The following PAM variants were observed in gnomAD, a reference collection of about 807,000 sequenced individuals.
PAM encodes peptidyl-glycine alpha-amidating monooxygenase.
In PAM, 72 loss-of-function variants were observed where a neutral mutation model predicts 122.1. The observed-to-expected ratio is 0.59, with a 90% CI of 0.49 to 0.72. The LOEUF (loss-of-function observed/expected upper bound fraction) is 0.72. PAM is among the 30% of genes least tolerant of loss of function. The pLI, the probability that PAM is intolerant of heterozygous loss-of-function variation, is 0.00. For missense variants in PAM, 1,106 were observed against 1,183.7 expected (o/e 0.93, Z 0.96); for synonymous variants, 389 against 404.4 (o/e 0.96, Z 0.46).
At chr5:102,765,503 G>T (rs946676139) in intron 1 of PAM, among the ~76,000 whole-genome samples, 4 of 152,182 alleles carry the variant, frequency 2.6e-5, no homozygotes, top group Non-Finnish European at 5.9e-5. Flanking sequence ...AGTGTGTGCT[G>T]CAGGAACTCT....
intron 3 of PAM, among the ~76,000 whole-genome samples, chr5:102,900,234 G>T (rs1359320165): frequency 8.0e-6 from 1 of 124,696 alleles, no homozygotes; most frequent in South Asian, 2.7e-4. Flanking sequence ...TGTTTCTTCA[G>T]GTCTCTTAAT....
chr5:103,027,170 A>T (rs1391719693), intron 24 of PAM, among the ~76,000 whole-genome samples: 1 of 152,194 alleles, frequency 6.6e-6, no homozygotes, highest in Admixed American at 6.5e-5. Context: ...CCATTTATTC[A>T]TCATTCCTTA....
At chr5:102,777,907 A>G (rs1277339743) in intron 1 of PAM, among the ~76,000 whole-genome samples, 1 of 152,182 alleles carries the variant, frequency 6.6e-6, no homozygotes, top group Non-Finnish European at 1.5e-5. Flanking sequence ...GGGTGGTTCT[A>G]TGTATTTTTC....
At chr5:102,920,875 C>T (rs1044006037) in intron 5 of PAM, among the ~76,000 whole-genome samples, 1 of 151,724 alleles carries the variant, frequency 6.6e-6, no homozygotes, top group East Asian at 1.9e-4. Context: ...TTTTAAATAG[C>T]CTTTAACAGA....
intron 7 of PAM, among the ~76,000 whole-genome samples, chr5:102,940,545 A>C (rs1167059553): frequency 6.6e-6 from 1 of 150,680 alleles, no homozygotes; most frequent in African/African-American, 2.4e-5. Flanking sequence ...TATATATCAG[A>C]GGTAAGAAAG....
chr5:103,019,653 A>G, intron 22 of PAM, 137 bp from the exon 23 acceptor site: 1 of 655,294 alleles, frequency 1.5e-6, no homozygotes. Flanking sequence ...TTTGTATTGA[A>G]CTCTTTCCTA....
intron 16 of PAM, among the ~76,000 whole-genome samples, chr5:102,997,509 T>C (rs1776105770): frequency 6.6e-6 from 1 of 151,990 alleles, no homozygotes; most frequent in African/African-American, 2.4e-5. Flanking sequence ...ACAGAGACCC[T>C]GTCTCAAAAA....
chr5:102,871,543 T>C (rs1332583608), intron 3 of PAM, among the ~76,000 whole-genome samples: 1 of 151,820 alleles, frequency 6.6e-6, no homozygotes, highest in South Asian at 2.1e-4. Flanking sequence ...CATAAGTAGT[T>C]GTTTTCATTA....
chr5:102,881,129 T>TACACACACACACACACACACACAC (rs34434423), intron 3 of PAM, among the ~76,000 whole-genome samples: 15 of 145,702 alleles, frequency 1.0e-4, no homozygotes, highest in African/African-American at 3.1e-4. Context: ...TTTTTATACA[T>TACACACACACACACACACACACAC]ACACACACAC....
At chr5:102,934,383 C>T (rs967133139) in intron 7 of PAM, among the ~76,000 whole-genome samples, 4 of 152,166 alleles carry the variant, frequency 2.6e-5, no homozygotes, top group Non-Finnish European at 4.4e-5. Flanking sequence ...GCACATATTG[C>T]GTTTCCAAGT....
chr5:102,771,843 A>T (rs1755865716), intron 1 of PAM, among the ~76,000 whole-genome samples: 1 of 152,122 alleles, frequency 6.6e-6, no homozygotes, highest in South Asian at 2.1e-4. Context: ...CTGCCCCTAG[A>T]GGGGCTGTGA....
At chr5:102,864,282 C>A (rs1451609436) in intron 1 of PAM, among the ~76,000 whole-genome samples, 1 of 150,918 alleles carries the variant, frequency 6.6e-6, no homozygotes, top group African/African-American at 2.4e-5. Flanking sequence ...AGCCTTCCTG[C>A]CAATTGTTTC....
intron 1 of PAM, among the ~76,000 whole-genome samples, chr5:102,851,093 G>A (rs757996443): frequency 2.6e-5 from 4 of 152,068 alleles, no homozygotes; most frequent in Non-Finnish European, 4.4e-5. Context: ...CTCAGTAATC[G>A]GATGCACGAT....
At chr5:102,785,651 C>A (rs1025843458) in intron 1 of PAM, among the ~76,000 whole-genome samples, 1 of 151,700 alleles carries the variant, frequency 6.6e-6, no homozygotes, top group Non-Finnish European at 1.5e-5. Flanking sequence ...AATATAATTT[C>A]TTTCTGAGTT....
chr5:102,837,325 T>C lies in PAM; in HGVS notation c.-373-28498T>C, dbSNP rs550126502. Among the ~76,000 whole-genome samples the C allele has an allele frequency of 3.3e-5, 5 of 152,236 alleles. No individual in the cohort carries two copies. The East Asian group carries it at 9.7e-4, about 29-fold the overall frequency. On this transcript the variant is annotated intron_variant, in intron 1 of 25. Transcript: ENST00000438793. ...TTGCAATATTTGTCTTCTGTCCCCT[T>C]CCAAAATGCCACAGCCCACCTGCCC... is the stretch of plus-strand genomic sequence containing the variant.
intron 1 of PAM, among the ~76,000 whole-genome samples, chr5:102,758,902 T>C (rs386609): frequency 0.47 from 71,851 of 152,010 alleles, 17,466 homozygotes; most frequent in African/African-American, 0.58. Flanking sequence ...AAAATATAAA[T>C]ACACTCTTCC....
chr5:102,917,078 T>C (rs1001811378), intron 5 of PAM, among the ~76,000 whole-genome samples: 11 of 152,116 alleles, frequency 7.2e-5, no homozygotes, highest in Non-Finnish European at 1.5e-4. Context: ...ATTATTTATC[T>C]TCCAATATTT....
At chr5:102,808,693 A>T (rs528270256) in intron 1 of PAM, among the ~76,000 whole-genome samples, 1 of 152,242 alleles carries the variant, frequency 6.6e-6, no homozygotes. Context: ...AAGAAGAACC[A>T]TGCTGAGAAT....
chr5:102,807,990 A>G (rs1238238558), intron 1 of PAM: 3 of 152,172 alleles, frequency 2.0e-5, no homozygotes, highest in African/African-American at 7.2e-5. Context: ...TTTCCTACTT[A>G]GCAAATCCAA....
Sources: gnomAD v4.1 joint callset for allele counts (sites outside exome capture counted in the v4.1 genomes callset) on GRCh38, gnomAD v4.1.1 for gene constraint, MANE v1.5 for transcripts, NCBI Gene and HGNC (gene_info 2026-07-23, HGNC 2026-07-21) for gene names.